The following NDE1 variants were observed in gnomAD, a reference collection of about 807,000 sequenced individuals.
NDE1 encodes the protein nudE neurodevelopment protein 1.
NDE1 carries 28 observed loss-of-function variants against 43.4 expected under a neutral mutation model. The observed-to-expected ratio is 0.65, with a 90% CI of 0.48 to 0.89. The LOEUF is 0.89. Among genes scored for constraint, NDE1 ranks in the 40% least tolerant of loss-of-function variants. The pLI, the probability that NDE1 is intolerant of heterozygous loss-of-function variation, is 0.00. For missense variants in NDE1, 441 were observed against 434.1 expected (o/e 1.02, Z -0.14); for synonymous variants, 184 against 172.0 (o/e 1.07, Z -0.55).
rs535087351 is a variant in NDE1, at chr16:15,693,323, A to G, written c.704-842A>G. Among the ~76,000 whole-genome samples the G allele has an allele frequency of 3.9e-5, 6 of 152,200 alleles. No individual in the cohort carries two copies. The East Asian group carries it at 7.7e-4, about 20-fold the overall frequency. On this transcript the variant is annotated intron_variant, in intron 6 of 8. Transcript: ENST00000396354. ...CCTGGCCGAGAGATTCTGCATTTCT[A>G]ACAGTTCTCATGTGCTGCTGGTGCA... is the stretch of plus-strand genomic sequence containing the variant.
chr16:15,658,704 T>C (rs968109773), intron 1 of NDE1, among the ~76,000 whole-genome samples: 3 of 152,222 alleles, frequency 2.0e-5, no homozygotes, highest in Admixed American at 1.3e-4. Flanking sequence ...TTGCCCAGGC[T>C]GGAGTGCAGT....
chr16:15,648,745 T>C (rs756861649), upstream of NDE1, among the ~76,000 whole-genome samples: 6 of 152,068 alleles, frequency 3.9e-5, no homozygotes, highest in Non-Finnish European at 5.9e-5. Context: ...GAGGCAGAGG[T>C]TGCAGTGAGC....
At chr16:15,656,806 A>G (rs1346192173) in intron 1 of NDE1, among the ~76,000 whole-genome samples, 1 of 151,922 alleles carries the variant, frequency 6.6e-6, no homozygotes, top group Non-Finnish European at 1.5e-5. Flanking sequence ...CTCCCAAAGT[A>G]TCAGGATTAC....
chr16:15,717,446 G>T, intron 8 of NDE1: 1 of 1,286,748 alleles, frequency 7.8e-7, no homozygotes, highest in Non-Finnish European at 1.1e-6. Context: ...CTCTGCACGA[G>T]TCCCTTGATC....
rs1317809527 is a variant in NDE1, at chr16:15,704,013, T to C, written c.947+7153T>C. On this transcript the variant is annotated intron_variant, in intron 8 of 8. Transcript: ENST00000396354. ...TGCTTATTCACTGGCCTTGGTTCCA[T>C]TGAAGTCTGCGTCTCGAGTGTCCGT... 1.9e-6 allele frequency: 3 copies of C among 1,614,160 alleles called. No individual in the cohort carries two copies. The highest frequency in any genetic ancestry group is 1.7e-5 in the Admixed American group (1 of 59,998).
chr16:15,691,457 A>T, intron 6 of NDE1, 134 bp downstream of exon 6: 1 of 1,028,952 alleles, frequency 9.7e-7, no homozygotes, highest in Non-Finnish European at 1.5e-6. Context: ...TTGAGCAGAG[A>T]GTAGACTGGG....
chr16:15,659,114 A>C (rs2036914131), intron 1 of NDE1, among the ~76,000 whole-genome samples: 1 of 152,152 alleles, frequency 6.6e-6, no homozygotes, highest in Non-Finnish European at 1.5e-5. Flanking sequence ...AGTCCCAACA[A>C]ATGCAGAGTT....
rs769068322 is a variant in NDE1, at chr16:15,696,868, C to T, written c.947+8C>T. 2.5e-6 allele frequency: 4 copies of T among 1,613,986 alleles called. No homozygotes were observed. The South Asian group carries it at 3.3e-5, about 13-fold the overall frequency. On this transcript the variant is annotated splice_region_variant and intron_variant, in intron 8 of 8. Coordinates refer to ENST00000396354, the MANE Select transcript of NDE1 (RefSeq NM_017668.3). ...GCCTTTGGGTGATAAGGGGTCAGTA[C>T]CTTCTAATAAACCTCTCGCTGGCGG...
At chr16:15,721,714 T>C (rs2081909797) in intron 8 of NDE1, 2 of 1,437,234 alleles carry the variant, frequency 1.4e-6, no homozygotes, top group Admixed American at 1.7e-5. Context: ...GGGGAAGCCC[T>C]GTGTCCTGCT....
At chr16:15,664,983 A>T in intron 2 of NDE1, 122 bp downstream of exon 2, 4 of 736,434 alleles carry the variant, frequency 5.4e-6, no homozygotes. Flanking sequence ...GCCGCCTTAA[A>T]CTCCTGGGCT....
intron 8 of NDE1, chr16:15,703,788 A>G: frequency 4.4e-6 from 3 of 686,414 alleles, no homozygotes; most frequent in African/African-American, 3.6e-5. Flanking sequence ...AGGTTTTACT[A>G]CGTTGCCCAG....
Position 15,725,428 on chromosome 16 carries a change from G to A in NDE1, c.*1177G>A. On this transcript the variant is annotated 3_prime_UTR_variant, in exon 9 of 9. Transcript: ENST00000396354. ...GGTACTTGAACGTCCCAGGGATGCT[G>A]TCCCATCCCTTCCTTCCTCACTCCT... 1 of 480,788 alleles carries A rather than the reference G, an allele frequency of 2.1e-6. No homozygotes were observed. The highest frequency in any genetic ancestry group is 3.6e-6 in the Non-Finnish European group (1 of 276,452). The allele number at this position is 480,788 out of a possible 1,614,324, so 29.8% of individuals were successfully genotyped here. A position where few individuals can be genotyped will look rare whatever the true frequency, so the allele number is the denominator to read the frequency against.
chr16:15,653,579 TG>T (rs912265581), intron 1 of NDE1, among the ~76,000 whole-genome samples: 3 of 152,138 alleles, frequency 2.0e-5, no homozygotes, highest in Non-Finnish European at 4.4e-5. Context: ...CTAGCAGTGC[TG>T]GGTTTCTTCT....
chr16:15,676,815 C>T (rs2037905414), intron 3 of NDE1, among the ~76,000 whole-genome samples: 1 of 152,130 alleles, frequency 6.6e-6, no homozygotes, highest in Non-Finnish European at 1.5e-5. Context: ...AGGCAAGAGC[C>T]ACCATGCCCT....
chr16:15,699,055 T>G (rs1182037002), intron 8 of NDE1, among the ~76,000 whole-genome samples: 2 of 151,408 alleles, frequency 1.3e-5, no homozygotes, highest in African/African-American at 2.4e-5. Context: ...TGGCTAATTT[T>G]TTTTATATTT....
At chr16:15,698,453 A>G (rs1393812136) in intron 8 of NDE1, among the ~76,000 whole-genome samples, 3 of 152,158 alleles carry the variant, frequency 2.0e-5, no homozygotes, top group Admixed American at 1.3e-4. Context: ...TGTGACTACC[A>G]TCTCTCTGGG....
chr16:15,705,984 CA>C (rs57451847), intron 8 of NDE1, among the ~76,000 whole-genome samples: 2,416 of 56,684 alleles, frequency 0.043, 41 homozygotes, highest in Admixed American at 0.098. Flanking sequence ...GACTCCGTCT[CA>C]AAAAAAAAAA....
intron 1 of NDE1, among the ~76,000 whole-genome samples, chr16:15,664,249 C>T (rs1448575340): frequency 2.0e-5 from 3 of 152,004 alleles, no homozygotes; most frequent in African/African-American, 7.2e-5. Context: ...ATCCATGAGC[C>T]TTGATGTTAA....
chr16:15,711,818 T>C (rs1451283645), intron 8 of NDE1, among the ~76,000 whole-genome samples: 1 of 152,022 alleles, frequency 6.6e-6, no homozygotes, highest in Non-Finnish European at 1.5e-5. Context: ...TCAGCCTCCC[T>C]AGTAGCTGGG....
Sources: allele counts gnomAD v4.1 joint callset (sites outside exome capture counted in the v4.1 genomes callset), GRCh38; gene constraint gnomAD v4.1.1; transcripts MANE v1.5; gene names NCBI Gene and HGNC (gene_info 2026-07-23, HGNC 2026-07-21).